EFHD2: variants seen among roughly 807,000 people sequenced by gnomAD.
EFHD2 encodes the protein EF-hand domain family member D2.
Under a neutral mutation model 20.3 loss-of-function variants are expected in EFHD2, and 12 were observed. That is an observed-to-expected ratio of 0.59 (90% CI 0.38 to 0.96). EFHD2 has a LOEUF of 0.96. EFHD2 is among the 40% of genes least tolerant of loss of function. EFHD2 has a pLI of 0.00. For missense variants in EFHD2, 250 were observed against 334.3 expected, an observed-to-expected ratio of 0.75 and a Z score of 1.97; for synonymous variants, 131 against 143.9, an observed-to-expected ratio of 0.91 and a Z score of 0.64.
chr1:15,412,752 A>G (rs933083957), intron 1 of EFHD2, among the ~76,000 whole-genome samples: 2 of 152,222 alleles, frequency 1.3e-5, no homozygotes, highest in African/African-American at 4.8e-5. Flanking sequence ...TGGAAGTGGC[A>G]TGCAGCTGAG....
chr1:15,421,376 C>T (rs960504550), intron 1 of EFHD2, among the ~76,000 whole-genome samples: 1 of 152,190 alleles, frequency 6.6e-6, no homozygotes, highest in African/African-American at 2.4e-5. Context: ...CCACGGCTAC[C>T]TCTGGGGGCT....
rs984552550 is a variant in EFHD2, at chr1:15,424,815, G to A, written c.309-1056G>A. Among the ~76,000 whole-genome samples the A allele has an allele frequency of 4.6e-5, 7 of 152,156 alleles. No homozygotes were observed. The South Asian group carries it at 1.2e-3, about 27-fold the overall frequency. The stretch of plus-strand genomic sequence containing the variant: ...AGGGCAAGCTGGGGGGCATGAAATA[G>A]ACCCCCCAGTACAGAGGGTGCTGAG... On this transcript the variant is annotated intron_variant, in intron 1 of 3. Transcript: ENST00000375980.
chr1:15,415,954 G>T (rs2103272011), intron 1 of EFHD2, among the ~76,000 whole-genome samples: 1 of 152,210 alleles, frequency 6.6e-6, no homozygotes, highest in East Asian at 1.9e-4. Context: ...GCTGGGGCTT[G>T]GGGGAGCCTC....
At chr1:15,420,292 C>T (rs1707768099) in intron 1 of EFHD2, among the ~76,000 whole-genome samples, 1 of 152,156 alleles carries the variant, frequency 6.6e-6, no homozygotes. Context: ...TTGAAGGACT[C>T]ACTATGTGCC....
At chr1:15,416,141 C>A (rs1707665951) in intron 1 of EFHD2, among the ~76,000 whole-genome samples, 1 of 152,050 alleles carries the variant, frequency 6.6e-6, no homozygotes, top group Admixed American at 6.6e-5. Flanking sequence ...CCCACACCCC[C>A]GGCCCAGGAC....
At chr1:15,410,399 AC>A in intron 1 of EFHD2, 120 bp downstream of exon 1, 1 of 1,227,874 alleles carries the variant, frequency 8.1e-7, no homozygotes, top group Non-Finnish European at 1.1e-6. Context: ...GCTTCCCCGA[AC>A]CCAGACGCAC....
At chr1:15,427,307 T>TG in intron 3 of EFHD2, 23 bp downstream of exon 3, 1 of 1,595,774 alleles carries the variant, frequency 6.3e-7, no homozygotes, top group South Asian at 1.1e-5. Flanking sequence ...AGGGGTGCCC[T>TG]GACCCACGCT....
Position 15,428,960 on chromosome 1 carries a change from T to A in EFHD2, c.*236T>A. 1 of 523,028 alleles carries A rather than the reference T, an allele frequency of 1.9e-6. No homozygotes were observed. The highest frequency in any genetic ancestry group is 3.4e-6 in the Non-Finnish European group (1 of 296,664). The allele number at this position is 523,028 out of a possible 1,614,324, so 32.4% of individuals were successfully genotyped here. On this transcript the variant is annotated 3_prime_UTR_variant, in exon 4 of 4. Coordinates refer to ENST00000375980, the MANE Select transcript of EFHD2 (RefSeq NM_024329.6). ...GCTGGCTCCCTGCCCGGCCCGGCCCTCCCTGGCAATCCCTGGGCTCTCTTG... is the reference window on the plus strand; with the variant it reads ...GCTGGCTCCCTGCCCGGCCCGGCCCACCCTGGCAATCCCTGGGCTCTCTTG...
chr1:15,414,736 A>G (rs1707625057), intron 1 of EFHD2, among the ~76,000 whole-genome samples: 1 of 152,250 alleles, frequency 6.6e-6, no homozygotes, highest in Non-Finnish European at 1.5e-5. Context: ...ACGCAGGGTT[A>G]GAGCCCTCCT....
At position 15,426,394 on chromosome 1, in the gene EFHD2, G is replaced by A. The variant is rs563882974; in HGVS notation, c.456+376G>A. On this transcript the variant is annotated intron_variant, in intron 2 of 3. Transcript: ENST00000375980. This position sits in a 1 kb window ranked among gnomAD's most constrained non-coding sequence, Gnocchi z 4.6. ...AGAAGGAAATCAGGGCTGTGATGCA[G>A]AGGAAGAGGGCCACGGCACTGGGTG... Among the ~76,000 whole-genome samples, 26 of 152,330 alleles carry A rather than the reference G, an allele frequency of 1.7e-4. No individual in the cohort carries two copies. Among genetic ancestry groups the A allele is most frequent in the African/African-American group, 6.0e-4 (25 of 41,582 alleles).
chr1:15,421,901 G>T (rs1707798240), intron 1 of EFHD2, among the ~76,000 whole-genome samples: 1 of 152,072 alleles, frequency 6.6e-6, no homozygotes. Flanking sequence ...TTTAGTGACG[G>T]TGATTCAATC....
At position 15,426,891 on chromosome 1, in the gene EFHD2, G is replaced by T. The variant is rs574888715; in HGVS notation, c.457-259G>T. 1.8e-3 allele frequency among the ~76,000 whole-genome samples: 276 copies of T among 152,280 alleles called. 1 individual carries two copies. Among genetic ancestry groups the T allele is most frequent in the African/African-American group, 6.5e-3 (268 of 41,550 alleles). On this transcript the variant is annotated intron_variant, in intron 2 of 3. Transcript: ENST00000375980. The surrounding 1 kb of genome is among the most constrained non-coding windows in gnomAD (Gnocchi z 4.6). ...AGAGGTAGGCTGAGGCCGTGTCGTC[G>T]GGAGCTGGTGTGGGCGGGTCAGGGC...
At chr1:15,414,465 G>A (rs1707614689) in intron 1 of EFHD2, among the ~76,000 whole-genome samples, 1 of 152,284 alleles carries the variant, frequency 6.6e-6, no homozygotes, top group Non-Finnish European at 1.5e-5. Flanking sequence ...CGGGGACAGG[G>A]GGACCCACGT....
intron 1 of EFHD2, among the ~76,000 whole-genome samples, chr1:15,420,181 C>A (rs574809176): frequency 8.1e-4 from 124 of 152,266 alleles, no homozygotes; most frequent in African/African-American, 2.9e-3. Context: ...TATCATCACC[C>A]TTTTTATATT....
At position 15,413,712 on chromosome 1, in the gene EFHD2, G is replaced by T. The variant is rs1296474456; in HGVS notation, c.308+3433G>T. 6.6e-6 allele frequency among the ~76,000 whole-genome samples: 1 copy of T among 152,194 alleles called. No homozygotes were observed. Among genetic ancestry groups the T allele is most frequent in the Non-Finnish European group, 1.5e-5 (1 of 68,034 alleles). ...ACCCAGAAAGATGTGGCGGTGACTT[G>T]CTCGGGGTTACGGAGAGGTTCTCAG... On this transcript the variant is annotated intron_variant, in intron 1 of 3. Transcript: ENST00000375980. The surrounding 1 kb of genome is among the most constrained non-coding windows in gnomAD (Gnocchi z 4.4).
chr1:15,419,410 C>T (rs774798981), intron 1 of EFHD2, among the ~76,000 whole-genome samples: 41 of 152,232 alleles, frequency 2.7e-4, no homozygotes, highest in Non-Finnish European at 5.4e-4. Flanking sequence ...GCGCTTTCTG[C>T]CAGTACTGCC....
At position 15,410,554 on chromosome 1, in the gene EFHD2, G is replaced by C. The variant is rs1193545684; in HGVS notation, c.308+275G>C. On this transcript the variant is annotated intron_variant, in intron 1 of 3. Transcript: ENST00000375980. ...GGTACACCATAGACGCGTCCACAGAGTGGGGGACCCCAGGCTTCCTTCCAG... is the reference window on the plus strand; with the variant it reads ...GGTACACCATAGACGCGTCCACAGACTGGGGGACCCCAGGCTTCCTTCCAG... 2.6e-5 allele frequency among the ~76,000 whole-genome samples: 4 copies of C among 152,270 alleles called. No individual in the cohort carries two copies. The East Asian group carries it at 7.8e-4, about 30-fold the overall frequency.
chr1:15,420,934 G>A (rs111702525), intron 1 of EFHD2, among the ~76,000 whole-genome samples: 3 of 152,222 alleles, frequency 2.0e-5, no homozygotes, highest in African/African-American at 7.2e-5. Context: ...GAGCCACCAC[G>A]TCCAGCCTCA....
Position 15,409,971 on chromosome 1 carries a change from C to A in EFHD2, c.-1C>A. On this transcript the variant is annotated 5_prime_UTR_variant, in exon 1 of 4. Coordinates refer to ENST00000375980, the MANE Select transcript of EFHD2 (RefSeq NM_024329.6). ...CCAAGGCGAGTGCCGCGCGGGCCAC[C>A]ATGGCCACGGACGAGCTGGCCACCA... is the stretch of plus-strand genomic sequence containing the variant. The A allele has an allele frequency of 8.1e-7, 1 of 1,239,810 alleles. No individual in the cohort carries two copies. The highest frequency in any genetic ancestry group is 1.0e-6 in the Non-Finnish European group (1 of 995,568). The allele number at this position is 1,239,810 out of a possible 1,614,324, so 76.8% of individuals were successfully genotyped here. A position where few individuals can be genotyped will look rare whatever the true frequency, so the allele number is the denominator to read the frequency against.
Sources: allele counts gnomAD v4.1 joint callset (sites outside exome capture counted in the v4.1 genomes callset), GRCh38; gene constraint gnomAD v4.1.1; non-coding constraint Gnocchi (gnomAD v3.1); transcripts MANE v1.5; gene names NCBI Gene and HGNC (gene_info 2026-07-23, HGNC 2026-07-21).